Variants in NCOR2 observed in about 807,000 individuals in gnomAD.
The protein encoded by NCOR2 is nuclear receptor corepressor 2.
Under a neutral mutation model 262.9 loss-of-function variants are expected in NCOR2, and 81 were observed. That is an observed-to-expected ratio of 0.31 (90% CI 0.26 to 0.37). NCOR2 has a LOEUF of 0.37. Among genes scored for constraint, NCOR2 ranks in the 10% least tolerant of loss-of-function variants. NCOR2 has a pLI of 1.00. For synonymous variants in NCOR2, 1,659 were observed against 1,559.3 expected (o/e 1.06, Z -1.51); for missense variants, 3,385 against 3,621.4 (o/e 0.93, Z 1.68).
intron 8 of NCOR2, among the ~76,000 whole-genome samples, chr12:124,431,252 GCA>G (rs2043904678): frequency 1.3e-5 from 2 of 150,306 alleles, no homozygotes; most frequent in South Asian, 4.2e-4. Flanking sequence ...GTACATACAG[GCA>G]CACACAAGTC....
In NCOR2 at chr12:124,483,630, G is replaced by A. The variant is rs372180570; in HGVS notation, c.377C>T (p.Thr126Met). Reference sequence around the variant, plus strand: ...GTCTTCAGATCCCGCAGGCTGGCCCGTGGCCAGCAGGGGTGACGGTCGCAG... The same window carrying A: ...GTCTTCAGATCCCGCAGGCTGGCCCATGGCCAGCAGGGGTGACGGTCGCAG... Residue 126 changes from threonine (T) to methionine (M), a missense_variant, in exon 3 of 47, where the codon ACG (threonine) becomes ATG (methionine). This residue lies in a region of NCOR2 where 237 missense variants were observed against 229.4 expected (regional missense o/e 1.03). Coordinates refer to ENST00000405201, the Ensembl canonical transcript of NCOR2. This position sits in a 1 kb window ranked among gnomAD's most constrained non-coding sequence, Gnocchi z 6.3. The A allele has an allele frequency of 3.5e-5, 57 of 1,608,784 alleles. No homozygotes were observed. Among genetic ancestry groups the A allele is most frequent in the African/African-American group, 3.1e-4 (23 of 74,886 alleles).
At chr12:124,334,588 G>T (rs1365940590) in exon 41 of NCOR2, 5 of 1,409,620 alleles carry the variant, frequency 3.5e-6, no homozygotes, top group Non-Finnish European at 4.6e-6. Flanking sequence ...GCTGTGGGTG[G>T]TGCCGGGTGT....
At chr12:124,352,957 A>G (rs2660374) in intron 27 of NCOR2, among the ~76,000 whole-genome samples, 150,224 of 152,340 alleles carry the variant, frequency 0.99, 74,104 homozygotes, top group Middle Eastern at 1. Flanking sequence ...GTCCCTGCCT[A>G]TGGCACCTAC....
chr12:124,480,212 C>A (rs1009180546), intron 3 of NCOR2, among the ~76,000 whole-genome samples: 1 of 152,208 alleles, frequency 6.6e-6, no homozygotes, highest in African/African-American at 2.4e-5. Context: ...CCCCTACTCC[C>A]GCTGCAGGAG....
At chr12:124,388,875 AGGGAGGGAGGGAGG>A in intron 16 of NCOR2, 1 of 115,086 alleles carries the variant, frequency 8.7e-6, no homozygotes, top group East Asian at 5.6e-4. Context: ...TGAGGGAGGG[AGGGAGGGAGGGAGG>A]GAGGGAGCGA....
At chr12:124,438,077 T>C (rs1307063273) in intron 7 of NCOR2, 81 bp from the exon 10 acceptor site, 2 of 1,393,584 alleles carry the variant, frequency 1.4e-6, no homozygotes, top group Non-Finnish European at 2.0e-6. Context: ...TTGCTGAGAG[T>C]GAGCCCCAAA....
chr12:124,502,737 G>A (rs372048676), intron 1 of NCOR2, among the ~76,000 whole-genome samples: 2 of 152,124 alleles, frequency 1.3e-5, no homozygotes, highest in Non-Finnish European at 2.9e-5. Flanking sequence ...GCTGACGTGC[G>A]GTCTCCTGTG....
At chr12:124,439,430 G>A (rs1326116528) in intron 7 of NCOR2, among the ~76,000 whole-genome samples, 1 of 7,686 alleles carries the variant, frequency 1.3e-4, no homozygotes, top group Non-Finnish European at 3.9e-4. Context: ...GAGAGAGAGA[G>A]AGACAGAGAC....
chr12:124,490,621 G>C (rs1212631907), intron 1 of NCOR2, among the ~76,000 whole-genome samples: 2 of 149,896 alleles, frequency 1.3e-5, no homozygotes, highest in African/African-American at 5.0e-5. Flanking sequence ...GAAGCTAATG[G>C]AGAGACCCCC....
chr12:124,411,871 G>A (rs1313557080), intron 13 of NCOR2, among the ~76,000 whole-genome samples: 1 of 152,220 alleles, frequency 6.6e-6, no homozygotes, highest in African/African-American at 2.4e-5. Context: ...CCGGGAGGTG[G>A]GGGCTCGGCC....
chr12:124,485,166 AAAATCCACGGCCACTGGAACC>A lies in NCOR2; in HGVS notation c.233+1254_233+1274del, dbSNP rs1195104671. 8.5e-5 allele frequency among the ~76,000 whole-genome samples: 13 copies of A among 152,322 alleles called. No individual in the cohort carries two copies. The East Asian group carries it at 1.9e-3, about 23-fold the overall frequency. ...GCAGTGGCTCAAATAATGTCCTCCC[AAAATCCACGGCCACTGGAACC>A]TCCAAATATAACATCCTCCCAAAAT... On this transcript the variant is annotated intron_variant, in intron 2 of 46. Coordinates refer to ENST00000405201, the Ensembl canonical transcript of NCOR2.
intron 1 of NCOR2, among the ~76,000 whole-genome samples, chr12:124,511,887 C>T (rs2049413891): frequency 6.6e-6 from 1 of 152,208 alleles, no homozygotes; most frequent in African/African-American, 2.4e-5. Flanking sequence ...AAAATGACCA[C>T]AAACCAGGAA....
Position 124,355,982 on chromosome 12 carries a change from C to T in NCOR2, c.3242-411G>A, listed in dbSNP as rs530448924. Reference sequence around the variant, plus strand: ...GTCCTCAGGAGAAAGTCTTAGCCCCCGACTTGGCCTTCAGGCTCGCCTGAC... The same window carrying T: ...GTCCTCAGGAGAAAGTCTTAGCCCCTGACTTGGCCTTCAGGCTCGCCTGAC... On this transcript the variant is annotated intron_variant, in intron 23 of 46. Transcript: ENST00000405201. Among the ~76,000 whole-genome samples the T allele has an allele frequency of 5.2e-4, 79 of 152,348 alleles. 1 individual carries two copies. Among genetic ancestry groups the T allele is most frequent in the African/African-American group, 1.8e-3 (73 of 41,572 alleles).
exon 32 of NCOR2, chr12:124,344,865 C>T: frequency 1.9e-6 from 3 of 1,575,096 alleles, no homozygotes; most frequent in Non-Finnish European, 2.6e-6. Context: ...GTGGGAACGT[C>T]CGGCCGGGGC....
At chr12:124,524,707 C>A (rs2050363123) in intron 1 of NCOR2, among the ~76,000 whole-genome samples, 1 of 152,232 alleles carries the variant, frequency 6.6e-6, no homozygotes, top group Non-Finnish European at 1.5e-5. Context: ...TAACTAACTG[C>A]CCCTAACTAA....
chr12:124,414,403 T>C (rs531318078), intron 13 of NCOR2, among the ~76,000 whole-genome samples: 1 of 152,244 alleles, frequency 6.6e-6, no homozygotes, highest in South Asian at 2.1e-4. Context: ...GCCGTCATCA[T>C]CACCATCATC....
chr12:124,548,900 G>A lies in NCOR2; in HGVS notation c.-164-13289C>T, dbSNP rs759477465. 1.3e-5 allele frequency among the ~76,000 whole-genome samples: 2 copies of A among 152,008 alleles called. No individual in the cohort carries two copies. Among genetic ancestry groups the A allele is most frequent in the Admixed American group, 1.3e-4 (2 of 15,260 alleles). On this transcript the variant is annotated intron_variant, in intron 1 of 32. Coordinates refer to the NCOR2 transcript ENST00000458234. The surrounding 1 kb of genome is among the most constrained non-coding windows in gnomAD (Gnocchi z 5.1). The stretch of plus-strand genomic sequence containing the variant: ...CTGCAGGGCTCTGATCTGCTTTCTC[G>A]CGAATCCACGCTTACTCATTCTGAG...
chr12:124,406,361 G>A (rs950051493), intron 13 of NCOR2, among the ~76,000 whole-genome samples: 3 of 152,276 alleles, frequency 2.0e-5, no homozygotes, highest in African/African-American at 7.2e-5. Context: ...CCACTCAGTC[G>A]GTCTGGGGTG....
intron 15 of NCOR2, among the ~76,000 whole-genome samples, chr12:124,399,337 G>A (rs2041869800): frequency 6.6e-6 from 1 of 152,152 alleles, no homozygotes; most frequent in Admixed American, 6.5e-5. Flanking sequence ...GACATGGAAG[G>A]CCTAGGAGTG....
Sources: allele counts gnomAD v4.1 joint callset (sites outside exome capture counted in the v4.1 genomes callset), GRCh38; gene constraint gnomAD v4.1.1; regional missense constraint gnomAD v4.1.1; non-coding constraint Gnocchi (gnomAD v3.1); transcripts MANE v1.5; gene names NCBI Gene and HGNC (gene_info 2026-07-23, HGNC 2026-07-21).